THOP1: variants seen among roughly 807,000 people sequenced by gnomAD.
THOP1 encodes thimet oligopeptidase 1.
Under a neutral mutation model 71.8 loss-of-function variants are expected in THOP1, and 49 were observed. The observed-to-expected ratio is 0.68, with a 90% CI of 0.54 to 0.87. THOP1 has a LOEUF of 0.87. Ranked by LOEUF, THOP1 falls within the 40% of genes least tolerant of loss-of-function variation. The pLI is 0.00. For synonymous variants in THOP1, 426 were observed against 421.5 expected (o/e 1.01, Z -0.13); for missense variants, 843 against 975.6 (o/e 0.86, Z 1.81).
intron 8 of THOP1, 67 bp downstream of exon 8, chr19:2,807,875 C>T (rs958783632): frequency 5.0e-6 from 7 of 1,408,456 alleles, no homozygotes; most frequent in South Asian, 1.5e-5. Flanking sequence ...CCGGTGTGCC[C>T]GTCTGAGATG....
intron 7 of THOP1, 46 bp from the exon 8 acceptor site, chr19:2,807,396 G>A (rs749047740): frequency 5.9e-6 from 9 of 1,529,482 alleles, no homozygotes; most frequent in Non-Finnish European, 7.9e-6. Context: ...CAGAGCCATG[G>A]AGGAGCCCGC....
At position 2,807,824 on chromosome 19, in the gene THOP1, G is replaced by A. The variant is rs757401314; in HGVS notation, c.1253+16G>A. 17 of 1,448,090 alleles carry A rather than the reference G, an allele frequency of 1.2e-5. No individual in the cohort carries two copies. The highest frequency in any genetic ancestry group is 5.0e-5 in the East Asian group (2 of 39,768). The allele number at this position is 1,448,090 out of a possible 1,614,324, so 89.7% of individuals were successfully genotyped here. On this transcript the variant is annotated intron_variant, in intron 8 of 12. Coordinates refer to ENST00000307741, the MANE Select transcript of THOP1 (RefSeq NM_003249.5). ...TGTACCCGCGGTGGGTGAGGGCAGCGGGGGCGGGGGGCGCACCCCGGCCCT... is the reference window on the plus strand; with the variant it reads ...TGTACCCGCGGTGGGTGAGGGCAGCAGGGGCGGGGGGCGCACCCCGGCCCT...
intron 5 of THOP1, among the ~76,000 whole-genome samples, chr19:2,803,110 T>C (rs1916196948): frequency 1.3e-5 from 2 of 152,114 alleles, no homozygotes; most frequent in South Asian, 4.1e-4. Context: ...CGTCCCATGC[T>C]CTCCCTGCCC....
intron 5 of THOP1, among the ~76,000 whole-genome samples, chr19:2,802,867 A>T (rs1325199315): frequency 2.0e-5 from 3 of 152,222 alleles, no homozygotes; most frequent in Non-Finnish European, 2.9e-5. Flanking sequence ...CCGGGTTATC[A>T]TTCATTATCA....
rs1915718444 is a variant in THOP1 at position 2,785,530 on chromosome 19, G to A, written c.-133G>A. ...CATGCCCCGGGAGCGCGGGCGGCGG[G>A]CCCCTTGGTCCTCAGGCGGCCGTGG... is the stretch of plus-strand genomic sequence containing the variant. On this transcript the variant is annotated 5_prime_UTR_variant, in exon 1 of 13. Coordinates refer to ENST00000307741, the MANE Select transcript of THOP1 (RefSeq NM_003249.5). 3.8e-6 allele frequency: 4 copies of A among 1,041,142 alleles called. No homozygotes were observed. In the Admixed American group the frequency reaches 1.3e-4, roughly 33 times the overall value. 64.5% of individuals were successfully genotyped at this position (1,041,142 alleles called of 1,614,324 possible).
intron 4 of THOP1, among the ~76,000 whole-genome samples, chr19:2,796,845 C>T (rs914558434): frequency 2.0e-5 from 3 of 152,174 alleles, no homozygotes; most frequent in Non-Finnish European, 4.4e-5. Flanking sequence ...CGCAGAGGCT[C>T]GGTAACGAGG....
rs187807565 is a variant in THOP1 at position 2,811,702 on chromosome 19, C to T, written c.1876C>T (p.Arg626Cys). The T allele has an allele frequency of 1.4e-5, 23 of 1,613,188 alleles. No individual in the cohort carries two copies. The highest frequency in any genetic ancestry group is 4.0e-5 in the African/African-American group (3 of 74,882). ...EVYSMDMFHT[R>C]FKQEGVLNSK... Reference sequence around the variant, plus strand: ...GTATTCCATGGACATGTTCCACACGCGCTTCAAGCAGGAGGGTGTCCTGAA... The same window carrying T: ...GTATTCCATGGACATGTTCCACACGTGCTTCAAGCAGGAGGGTGTCCTGAA... The change falls in exon 12 of 13, where the codon CGC becomes TGC. Residue 626 changes from arginine (R) to cysteine (C), a missense_variant. By Grantham distance (180) the Arg-to-Cys change is radical. Transcript: ENST00000307741.
chr19:2,812,589 G>A lies in THOP1; in HGVS notation c.1909-526G>A, dbSNP rs538304996. ...GGGGGCTGTAGAGGTGGAGTCCCCC[G>A]GGTGGGAGCTGGGACTGTGGCTCCC... On this transcript the variant is annotated intron_variant, in intron 12 of 12. Transcript: ENST00000307741. Among the ~76,000 whole-genome samples the A allele has an allele frequency of 3.9e-5, 6 of 152,322 alleles. No homozygotes were observed. In the East Asian group the frequency reaches 5.8e-4, roughly 15 times the overall value.
chr19:2,796,715 CCCCCTG>C (rs1432421616), intron 4 of THOP1, among the ~76,000 whole-genome samples: 1 of 152,014 alleles, frequency 6.6e-6, no homozygotes, highest in East Asian at 1.9e-4. Flanking sequence ...GCTTCTGTGG[CCCCCTG>C]CCCCTGCCTC....
chr19:2,794,098 T>A (rs1915952277), intron 2 of THOP1, among the ~76,000 whole-genome samples: 1 of 151,246 alleles, frequency 6.6e-6, no homozygotes, highest in African/African-American at 2.4e-5. Context: ...CGCTGCAACC[T>A]CCACCTCCCG....
In THOP1 at chr19:2,796,122, G is replaced by T. The variant is rs147514755; in HGVS notation, c.420G>T (p.Arg140=). 1 of 1,613,918 alleles carries T rather than the reference G, an allele frequency of 6.2e-7. No individual in the cohort carries two copies. Among genetic ancestry groups the T allele is most frequent in the African/African-American group, 1.3e-5 (1 of 75,044 alleles). Residue 140 remains arginine (R), a synonymous_variant, in exon 4 of 13, where the codon CGG becomes CGT. Coordinates refer to ENST00000307741, the MANE Select transcript of THOP1 (RefSeq NM_003249.5). The stretch of plus-strand genomic sequence containing the variant: ...ACTCACTGAGGCCCGAGGCTGCGCG[G>T]TACCTGGAGCGGCTAATCAAGCTGG... ...QKDSLRPEAA[R]YLERLIKLGR... is the part of the protein sequence containing the mutation.
Position 2,790,451 on chromosome 19 carries a change from C to T in THOP1, c.47C>T (p.Ser16Phe). The T allele has an allele frequency of 1.3e-6, 2 of 1,586,208 alleles. No homozygotes were observed. Among genetic ancestry groups the T allele is most frequent in the Non-Finnish European group, 8.6e-7 (1 of 1,165,902 alleles). The change falls in exon 2 of 13, where the codon TCT becomes TTT. Residue 16 changes from serine to phenylalanine, a missense_variant. By Grantham distance (155) the Ser-to-Phe change is radical (BLOSUM62 -2). Transcript: ENST00000307741. ...ACAGDMADAA[S>F]PCSVVNDLRW... Reference sequence around the variant, plus strand: ...GCAGGAGACATGGCGGACGCAGCATCTCCGTGCTCTGTGGTAAACGACCTG... The same window carrying T: ...GCAGGAGACATGGCGGACGCAGCATTTCCGTGCTCTGTGGTAAACGACCTG...
chr19:2,813,240 G>A lies in THOP1; in HGVS notation c.2034G>A (p.Gln678=), dbSNP rs199976252. ...CCTTCCTCCTGAGCAAGGGGCTGCA[G>A]GTCGGGGGCTGCGAGCCCGAGCCGC... The part of the protein sequence containing the change: ...QDAFLLSKGL[Q]VGGCEPEPQV... The change falls in exon 13 of 13, where the codon CAG becomes CAA. Residue 678 remains glutamine, a synonymous_variant. Coordinates refer to ENST00000307741, the MANE Select transcript of THOP1 (RefSeq NM_003249.5). The A allele has an allele frequency of 1.2e-6, 2 of 1,611,530 alleles. No individual in the cohort carries two copies. Among genetic ancestry groups the A allele is most frequent in the African/African-American group, 2.7e-5 (2 of 75,040 alleles).
At chr19:2,797,109 C>A (rs549578518) in intron 4 of THOP1, among the ~76,000 whole-genome samples, 2 of 152,204 alleles carry the variant, frequency 1.3e-5, no homozygotes, top group East Asian at 3.9e-4. Flanking sequence ...AGGGCCTTCG[C>A]TGGGGTCCCT....
At chr19:2,798,333 T>C (rs1349208356) in intron 4 of THOP1, among the ~76,000 whole-genome samples, 1 of 152,176 alleles carries the variant, frequency 6.6e-6, no homozygotes, top group South Asian at 2.1e-4. Context: ...ACCACAGTTA[T>C]TTTTAAAACC....
intron 12 of THOP1, among the ~76,000 whole-genome samples, chr19:2,812,604 C>T (rs1169823386): frequency 6.6e-6 from 1 of 152,184 alleles, no homozygotes; most frequent in Admixed American, 6.5e-5. Context: ...GGAGCTGGGA[C>T]TGTGGCTCCC....
intron 5 of THOP1, among the ~76,000 whole-genome samples, chr19:2,802,927 G>A (rs964968294): frequency 5.9e-5 from 9 of 152,204 alleles, no homozygotes; most frequent in Non-Finnish European, 8.8e-5. Context: ...GAGTCCCTCC[G>A]AACAATCCCT....
intron 1 of THOP1, among the ~76,000 whole-genome samples, chr19:2,787,934 G>A (rs1915789595): frequency 6.6e-6 from 1 of 152,216 alleles, no homozygotes; most frequent in African/African-American, 2.4e-5. Flanking sequence ...ACTGCAGAAA[G>A]AGTAATTTGA....
chr19:2,811,130 T>C (rs1200148006), intron 11 of THOP1, among the ~76,000 whole-genome samples: 1 of 152,260 alleles, frequency 6.6e-6, no homozygotes, highest in African/African-American at 2.4e-5. Flanking sequence ...GGGCCCTGTT[T>C]CCATGCTCAC....
Sources: gnomAD v4.1 joint callset for allele counts (sites outside exome capture counted in the v4.1 genomes callset) on GRCh38, gnomAD v4.1.1 for gene constraint, MANE v1.5 for transcripts, NCBI Gene and HGNC (gene_info 2026-07-23, HGNC 2026-07-21) for gene names.